GPHN: variants seen among roughly 807,000 people sequenced by gnomAD.
The protein encoded by GPHN is gephyrin.
A neutral mutation model predicts 95.5 loss-of-function variants in GPHN; 17 were observed. That is an observed-to-expected ratio of 0.18 (90% CI 0.12 to 0.27). The LOEUF (loss-of-function observed/expected upper bound fraction) is 0.27. Among genes scored for constraint, GPHN ranks in the 10% least tolerant of loss-of-function variants. The probability of loss-of-function intolerance (pLI) is 1.00; values close to 1 mark genes in which losing one functional copy is unlikely to be tolerated. For missense variants in GPHN, 660 were observed against 978.1 expected, an observed-to-expected ratio of 0.67 and a Z score of 4.34; for synonymous variants, 320 against 322.5, an observed-to-expected ratio of 0.99 and a Z score of 0.08.
At chr14:67,698,360 G>A in the GPHN span, among the ~76,000 whole-genome samples, 61 of 152,308 alleles carry the variant, frequency 4.0e-4, no homozygotes, top group East Asian at 0.012. Flanking sequence ...CAGCTCTTTG[G>A]GAGGCTGAGG....
At position 66,791,085 on chromosome 14, in the gene GPHN, T is replaced by C. The variant is rs1006111497; in HGVS notation, c.201+14564T>C. Among the ~76,000 whole-genome samples, 6 of 152,206 alleles carry C rather than the reference T, an allele frequency of 3.9e-5. 1 individual carries two copies. Among genetic ancestry groups the C allele is most frequent in the African/African-American group, 1.4e-4 (6 of 41,450 alleles). ...TGTTGGGCCTTGAACCCAAGTTCAT[T>C]CAAGCATCCTTGCCTTTTATCAAGA... On this transcript the variant is annotated intron_variant, in intron 3 of 22. Coordinates refer to ENST00000478722, the MANE Select transcript of GPHN (RefSeq NM_020806.5).
the GPHN span, chr14:67,569,909 T>C: frequency 6.3e-7 from 1 of 1,578,554 alleles, no homozygotes; most frequent in Non-Finnish European, 8.7e-7. Flanking sequence ...CATTCCTCTC[T>C]TCCCTGCTCA....
Position 67,179,683 on chromosome 14 carries a change from T to C in GPHN, c.2176+9T>C, listed in dbSNP as rs74939746. 451 of 1,388,280 alleles carry C rather than the reference T, an allele frequency of 3.2e-4. 6 individuals are homozygous for C. In the East Asian group the frequency reaches 8.0e-3, roughly 25 times the overall value. 86.0% of individuals were successfully genotyped at this position (1,388,280 alleles called of 1,614,324 possible). On this transcript the variant is annotated intron_variant, in intron 22 of 22. Coordinates refer to ENST00000478722, the MANE Select transcript of GPHN (RefSeq NM_020806.5). ...TTGGGCACAGAGTACAGGTTAGTCA[T>C]TCACATCTACAGATATTCCTAGACA...
At chr14:67,085,927 C>T (rs2076867100) in intron 11 of GPHN, among the ~76,000 whole-genome samples, 1 of 152,212 alleles carries the variant, frequency 6.6e-6, no homozygotes, top group Non-Finnish European at 1.5e-5. Flanking sequence ...GATTTGACTA[C>T]TCTATGTACC....
At chr14:66,645,709 A>G (rs560327124) in intron 1 of GPHN, among the ~76,000 whole-genome samples, 2 of 151,210 alleles carry the variant, frequency 1.3e-5, no homozygotes, top group South Asian at 2.1e-4. Context: ...AAAAAAAAGA[A>G]AATTTTTTTT....
At chr14:67,223,256 TC>T in the GPHN span, among the ~76,000 whole-genome samples, 1 of 152,322 alleles carries the variant, frequency 6.6e-6, no homozygotes, top group Admixed American at 6.5e-5. Flanking sequence ...TGCCTTGGCC[TC>T]CCAAAGTGCT....
chr14:67,000,132 A>G (rs1041535144), intron 9 of GPHN, among the ~76,000 whole-genome samples: 1 of 151,852 alleles, frequency 6.6e-6, no homozygotes, highest in Admixed American at 6.6e-5. Flanking sequence ...AAGTTGTAAC[A>G]TGCAAAATAG....
At chr14:66,986,085 C>A (rs1198102484) in intron 9 of GPHN, among the ~76,000 whole-genome samples, 1 of 151,494 alleles carries the variant, frequency 6.6e-6, no homozygotes, top group Non-Finnish European at 1.5e-5. Context: ...AGAGAACTAA[C>A]ATTTATTTTC....
intron 9 of GPHN, among the ~76,000 whole-genome samples, chr14:66,972,792 T>C (rs1294222984): frequency 6.6e-6 from 1 of 152,086 alleles, no homozygotes; most frequent in Non-Finnish European, 1.5e-5. Flanking sequence ...ACTATGTCAT[T>C]GAGGACAGTA....
chr14:66,938,295 G>T (rs1166393691), intron 8 of GPHN, among the ~76,000 whole-genome samples: 1 of 152,118 alleles, frequency 6.6e-6, no homozygotes, highest in African/African-American at 2.4e-5. Flanking sequence ...TTTCATATTA[G>T]TTTAAGAAAT....
chr14:66,576,832 A>C (rs185851182), intron 1 of GPHN, among the ~76,000 whole-genome samples: 1 of 152,324 alleles, frequency 6.6e-6, no homozygotes, highest in Admixed American at 6.5e-5. Flanking sequence ...GAACTGTTTC[A>C]AAATCCTCTT....
At chr14:67,233,040 G>A in the GPHN span, among the ~76,000 whole-genome samples, 1 of 152,066 alleles carries the variant, frequency 6.6e-6, no homozygotes, top group Non-Finnish European at 1.5e-5. Context: ...AAAGAAAACA[G>A]TATCTATTTT....
intron 13 of GPHN, among the ~76,000 whole-genome samples, chr14:67,105,893 G>A (rs2078008488): frequency 6.6e-6 from 1 of 151,936 alleles, no homozygotes; most frequent in African/African-American, 2.4e-5. Flanking sequence ...CTTACCCCTT[G>A]CTCCTTCTCT....
chr14:67,615,945 A>C, the GPHN span: 1 of 488,016 alleles, frequency 2.0e-6, no homozygotes, highest in East Asian at 4.2e-5. Context: ...GGAAAAATAC[A>C]GAAAGGATAC....
At chr14:66,930,672 C>T (rs539290496) in intron 8 of GPHN, among the ~76,000 whole-genome samples, 149 of 151,874 alleles carry the variant, frequency 9.8e-4, no homozygotes, top group African/African-American at 3.4e-3. Flanking sequence ...ACTACAGGCA[C>T]GCAACACCAT....
At chr14:67,714,955 C>G in the GPHN span, 1 of 152,312 alleles carries the variant, frequency 6.6e-6, no homozygotes, top group African/African-American at 2.4e-5. Flanking sequence ...CAACAGTGTT[C>G]TTGGACACAA....
chr14:67,735,344 G>A, the GPHN span: 1 of 765,314 alleles, frequency 1.3e-6, no homozygotes, highest in Non-Finnish European at 2.4e-6. Flanking sequence ...CATCTAGTCT[G>A]CTCAGCCTGG....
chr14:66,714,002 C>G (rs1472020563), intron 2 of GPHN, among the ~76,000 whole-genome samples: 1 of 152,166 alleles, frequency 6.6e-6, no homozygotes, highest in Non-Finnish European at 1.5e-5. Context: ...ATCCTCACCT[C>G]AAGTGATCTG....
intron 1 of GPHN, among the ~76,000 whole-genome samples, chr14:66,562,043 C>G (rs2060276341): frequency 6.6e-6 from 1 of 152,160 alleles, no homozygotes; most frequent in Admixed American, 6.6e-5. Flanking sequence ...AAGGGTCTCT[C>G]TTTTAAGGAC....
Sources: gnomAD v4.1 joint callset for allele counts (sites outside exome capture counted in the v4.1 genomes callset) on GRCh38, gnomAD v4.1.1 for gene constraint, MANE v1.5 for transcripts, NCBI Gene and HGNC (gene_info 2026-07-23, HGNC 2026-07-21) for gene names.